CASC3: variants seen among roughly 807,000 people sequenced by gnomAD.
The protein encoded by CASC3 is CASC3 exon junction complex subunit.
CASC3 carries 30 observed loss-of-function variants against 80.5 expected under a neutral mutation model. The observed-to-expected ratio is 0.37, with a 90% confidence interval of 0.28 to 0.51. The LOEUF (loss-of-function observed/expected upper bound fraction) is 0.51. Ranked by LOEUF, CASC3 falls within the 20% of genes least tolerant of loss-of-function variation. The pLI is 0.94. For missense variants in CASC3, 824 were observed against 922.2 expected (o/e 0.89, Z 1.38); for synonymous variants, 312 against 333.6 (o/e 0.94, Z 0.70).
chr17:40,159,570 G>A (rs1437705169), intron 3 of CASC3, among the ~76,000 whole-genome samples: 3 of 142,106 alleles, frequency 2.1e-5, no homozygotes, highest in Non-Finnish European at 4.6e-5. Flanking sequence ...TTTTGAGACA[G>A]GATCTCTCTC....
At position 40,169,326 on chromosome 17, in the gene CASC3, C is replaced by T. The variant is rs781608650; in HGVS notation, c.1968C>T (p.Ala656=). The change falls in exon 12 of 14, where the codon GCC becomes GCT. Residue 656 remains alanine, a splice_region_variant and synonymous_variant. Transcript: ENST00000264645. ...TCTCCTGGCTTGTGGGGTCCCAGGCCCCATCACAGGTATATGGAGGAGTGA... is the reference window on the plus strand; with the variant it reads ...TCTCCTGGCTTGTGGGGTCCCAGGCTCCATCACAGGTATATGGAGGAGTGA... ...PPPHLYPNTQ[A]PSQVYGGVTY... The T allele has an allele frequency of 4.4e-6, 7 of 1,585,120 alleles. No individual in the cohort carries two copies. Among genetic ancestry groups the T allele is most frequent in the South Asian group, 1.1e-5 (1 of 87,186 alleles).
Position 40,168,343 on chromosome 17 carries a change from G to C in CASC3, c.1891G>C (p.Gly631Arg). The C allele has an allele frequency of 6.2e-7, 1 of 1,613,990 alleles. No homozygotes were observed. The highest frequency in any genetic ancestry group is 8.5e-7 in the Non-Finnish European group (1 of 1,180,010). ...YFSAPGVMNFGNPSYPYAPGA... is the reference protein window; with the variant it reads ...YFSAPGVMNFRNPSYPYAPGA... ...TTCTGCTCCAGGCGTCATGAACTTT[G>C]GTAATCCCAGTTACCCTTATGCTCC... The change falls in exon 11 of 14, where the codon GGT (glycine) becomes CGT (arginine). Residue 631 changes from glycine (G) to arginine (R), a missense_variant. Gly to Arg is a moderately radical substitution (Grantham distance 125, BLOSUM62 -2). Transcript: ENST00000264645.
In CASC3 at chr17:40,169,385, C is replaced by G; in HGVS notation, c.2027C>G (p.Pro676Arg). The G allele has an allele frequency of 6.2e-7, 1 of 1,612,968 alleles. No homozygotes were observed. Among genetic ancestry groups the G allele is most frequent in the African/African-American group, 1.3e-5 (1 of 74,958 alleles). ...AACCCCGCCCAGCAGCAGGTGCAGC[C>G]AAAGCCCTCCCCACCCCGGAGGACT... is the stretch of plus-strand genomic sequence containing the variant. The part of the protein sequence containing the change: ...YYNPAQQQVQ[P>R]KPSPPRRTPQ... Residue 676 changes from proline to arginine, a missense_variant, in exon 12 of 14, where the codon CCA becomes CGA. Pro to Arg is a moderately radical substitution (Grantham distance 103). Around this residue, in one of 3 missense-constraint regions of CASC3, gnomAD observed 464 missense variants for 506.0 expected, o/e 0.92. Transcript: ENST00000264645.
At chr17:40,149,933 AG>A (rs1188398193) in intron 3 of CASC3, among the ~76,000 whole-genome samples, 1 of 152,190 alleles carries the variant, frequency 6.6e-6, no homozygotes, top group Non-Finnish European at 1.5e-5. Context: ...GAAAAAAAAG[AG>A]GGAATAGATA....
At chr17:40,141,412 C>A (rs1002317520) in intron 2 of CASC3, 158 bp from the exon 3 acceptor site, 1 of 838,310 alleles carries the variant, frequency 1.2e-6, no homozygotes, top group South Asian at 1.6e-5. Flanking sequence ...GCAAGTTACC[C>A]TCTGAGCCTG....
intron 7 of CASC3, among the ~76,000 whole-genome samples, chr17:40,166,589 T>G (rs762573780): frequency 1.3e-5 from 2 of 152,236 alleles, no homozygotes; most frequent in Non-Finnish European, 2.9e-5. Flanking sequence ...TTCAAGGGCT[T>G]TATTGCTATA....
At chr17:40,150,962 G>A (rs1356581661) in intron 3 of CASC3, among the ~76,000 whole-genome samples, 3 of 151,852 alleles carry the variant, frequency 2.0e-5, no homozygotes, top group East Asian at 1.9e-4. Context: ...GCAGTGAGCC[G>A]AGATCACGCC....
At chr17:40,167,704 C>G in intron 9 of CASC3, 92 bp downstream of exon 9, 1 of 1,251,674 alleles carries the variant, frequency 8.0e-7, no homozygotes, top group Non-Finnish European at 1.2e-6. Context: ...CTCTTCTGAC[C>G]TCTTATAGTG....
At chr17:40,144,873 T>A (rs2145152844) in intron 3 of CASC3, among the ~76,000 whole-genome samples, 1 of 150,226 alleles carries the variant, frequency 6.7e-6, no homozygotes, top group South Asian at 2.1e-4. Context: ...TTTTTTTTTT[T>A]TTATTGAGAT....
intron 3 of CASC3, among the ~76,000 whole-genome samples, chr17:40,158,711 AAG>A (rs565546661): frequency 6.6e-6 from 1 of 152,122 alleles, no homozygotes; most frequent in African/African-American, 2.4e-5. Flanking sequence ...AGATAGTAAA[AAG>A]AGAGAGAGAG....
intron 7 of CASC3, 39 bp downstream of exon 7, chr17:40,164,205 T>C: frequency 6.7e-7 from 1 of 1,497,574 alleles, no homozygotes; most frequent in Non-Finnish European, 9.0e-7. Context: ...TTTTCCCCTT[T>C]GCATCATCAG....
chr17:40,150,368 G>GA (rs1286727489), intron 3 of CASC3, among the ~76,000 whole-genome samples: 1 of 151,260 alleles, frequency 6.6e-6, no homozygotes, highest in Non-Finnish European at 1.5e-5. Context: ...TGAGACTCTC[G>GA]AAAAAAACAA....
intron 7 of CASC3, among the ~76,000 whole-genome samples, 191 bp downstream of exon 7, chr17:40,164,357 A>T (rs1567683566): frequency 6.6e-6 from 1 of 151,470 alleles, no homozygotes; most frequent in East Asian, 2.0e-4. Context: ...TTCGCCTCCC[A>T]GGTTCAAGTG....
At chr17:40,167,203 C>A (rs1989471711) in intron 8 of CASC3, 2 of 509,788 alleles carry the variant, frequency 3.9e-6, no homozygotes. Flanking sequence ...TCATGATCCA[C>A]CCACCCTGGC....
chr17:40,164,485 G>A (rs2145178847), intron 7 of CASC3, among the ~76,000 whole-genome samples: 1 of 150,140 alleles, frequency 6.7e-6, no homozygotes, highest in East Asian at 2.0e-4. Context: ...GTCTTGCTCT[G>A]TTGCCTAAGC....
At chr17:40,142,613 G>A (rs1988747366) in intron 3 of CASC3, among the ~76,000 whole-genome samples, 1 of 152,204 alleles carries the variant, frequency 6.6e-6, no homozygotes, top group Admixed American at 6.5e-5. Context: ...CTCTGGCCCG[G>A]CGCGGTGGCT....
intron 7 of CASC3, among the ~76,000 whole-genome samples, 192 bp from the exon 8 acceptor site, chr17:40,166,605 A>G (rs1989454665): frequency 6.6e-6 from 1 of 152,236 alleles, no homozygotes; most frequent in Non-Finnish European, 1.5e-5. Flanking sequence ...CTATATTAAG[A>G]TGGCAGACAG....
chr17:40,171,817 C>G lies in CASC3; in HGVS notation c.*1412C>G. 2.6e-6 allele frequency: 3 copies of G among 1,175,062 alleles called. No homozygotes were observed. Among genetic ancestry groups the G allele is most frequent in the Non-Finnish European group, 3.2e-6 (3 of 934,616 alleles). The allele number at this position is 1,175,062 out of a possible 1,614,324, so 72.8% of individuals were successfully genotyped here. A position where few individuals can be genotyped will look rare whatever the true frequency, so the allele number is the denominator to read the frequency against. On this transcript the variant is annotated 3_prime_UTR_variant, in exon 14 of 14. Transcript: ENST00000264645. ...CACTGTTTTTATTCCTTCCATCTAGCAGCTGGCCTAATCACTCTGAGTCAC... is the reference window on the plus strand; with the variant it reads ...CACTGTTTTTATTCCTTCCATCTAGGAGCTGGCCTAATCACTCTGAGTCAC...
chr17:40,150,658 T>A (rs909675611), intron 3 of CASC3, among the ~76,000 whole-genome samples: 1 of 151,976 alleles, frequency 6.6e-6, no homozygotes, highest in Non-Finnish European at 1.5e-5. Context: ...ATGGATGCAT[T>A]GAAAAATTAG....
Sources: gnomAD v4.1 joint callset for allele counts (sites outside exome capture counted in the v4.1 genomes callset) on GRCh38, gnomAD v4.1.1 for gene constraint, gnomAD v4.1.1 regional missense constraint, MANE v1.5 for transcripts, NCBI Gene and HGNC (gene_info 2026-07-23, HGNC 2026-07-21) for gene names.